PLCB1: variants seen among roughly 807,000 people sequenced by gnomAD.
The protein encoded by PLCB1 is 1-phosphatidylinositol 4,5-bisphosphate phosphodiesterase beta-1.
A neutral mutation model predicts 161.8 loss-of-function variants in PLCB1; 46 were observed. The ratio of observed to expected loss-of-function variants is 0.28; its 90% CI spans 0.22 to 0.36. The LOEUF is 0.36. PLCB1 is among the 10% of genes least tolerant of loss of function. PLCB1 has a pLI of 1.00. For synonymous variants in PLCB1, 517 were observed against 503.7 expected, an observed-to-expected ratio of 1.03 and a Z score of -0.35; for missense variants, 1,016 against 1,472.5, an observed-to-expected ratio of 0.69 and a Z score of 5.07.
chr20:8,664,911 C>T (rs1989771650), intron 9 of PLCB1, among the ~76,000 whole-genome samples: 1 of 152,152 alleles, frequency 6.6e-6, no homozygotes, highest in Non-Finnish European at 1.5e-5. Context: ...CAGGGCATGG[C>T]TTCGGTCACT....
chr20:8,544,742 A>G (rs1317187147), intron 3 of PLCB1, among the ~76,000 whole-genome samples: 1 of 152,206 alleles, frequency 6.6e-6, no homozygotes, highest in Admixed American at 6.5e-5. Context: ...GTGCATGTGA[A>G]ACTGTGTCTA....
rs118004345 is a variant in PLCB1 at position 8,518,959 on chromosome 20, A to G, written c.247-109335A>G. ...AGTTCCCAGTGGGGTTCTTGCTCCT[A>G]TAAGAATCTAATGCTGGGGCCAATC... On this transcript the variant is annotated intron_variant, in intron 3 of 31. Transcript: ENST00000338037. Among the ~76,000 whole-genome samples the G allele has an allele frequency of 6.7e-3, 1,026 of 152,082 alleles. 7 individuals carry two copies. Among genetic ancestry groups the G allele is most frequent in the Non-Finnish European group, 8.5e-3 (575 of 67,992 alleles).
chr20:8,703,582 G>T (rs995439550), intron 11 of PLCB1, among the ~76,000 whole-genome samples: 4 of 152,154 alleles, frequency 2.6e-5, no homozygotes, highest in African/African-American at 9.7e-5. Context: ...AGCAGAGAAG[G>T]GAACAGCAGA....
At chr20:8,486,959 G>A (rs1982756678) in intron 3 of PLCB1, among the ~76,000 whole-genome samples, 1 of 152,218 alleles carries the variant, frequency 6.6e-6, no homozygotes, top group Non-Finnish European at 1.5e-5. Context: ...CAGGTTGCAG[G>A]TGGCATAAGG....
intron 3 of PLCB1, among the ~76,000 whole-genome samples, chr20:8,453,424 T>C (rs1981162664): frequency 6.6e-6 from 1 of 152,258 alleles, no homozygotes; most frequent in Non-Finnish European, 1.5e-5. Context: ...TGGTCCTCGA[T>C]ATTCTCAGTT....
chr20:8,516,146 C>T lies in PLCB1; in HGVS notation c.247-112148C>T, dbSNP rs141245795. 4.6e-5 allele frequency among the ~76,000 whole-genome samples: 7 copies of T among 152,278 alleles called. No homozygotes were observed. The East Asian group carries it at 1.2e-3, about 25-fold the overall frequency. On this transcript the variant is annotated intron_variant, in intron 3 of 31. Transcript: ENST00000338037. The stretch of plus-strand genomic sequence containing the variant: ...ACTTCCCATCAAGCCCCTCCCACAA[C>T]ACGTGGGAATTATGGGAGCTACAAT...
At chr20:8,544,555 G>A (rs1985460879) in intron 3 of PLCB1, among the ~76,000 whole-genome samples, 1 of 152,224 alleles carries the variant, frequency 6.6e-6, no homozygotes, top group Non-Finnish European at 1.5e-5. Flanking sequence ...CAAGTGCAAT[G>A]TGAATGCTGG....
chr20:8,661,790 C>T (rs988781562), intron 9 of PLCB1, among the ~76,000 whole-genome samples: 1 of 150,184 alleles, frequency 6.7e-6, no homozygotes, highest in African/African-American at 2.5e-5. Flanking sequence ...GTGTTCTAGT[C>T]TTACAAACTC....
intron 27 of PLCB1, among the ~76,000 whole-genome samples, chr20:8,784,139 G>T (rs944384265): frequency 9.2e-5 from 14 of 152,256 alleles, no homozygotes; most frequent in African/African-American, 2.9e-4. Flanking sequence ...GGGCGGTAGT[G>T]GCATACTATT....
At chr20:8,144,748 C>A (rs8113925) in intron 1 of PLCB1, among the ~76,000 whole-genome samples, 10 of 151,986 alleles carry the variant, frequency 6.6e-5, no homozygotes, top group African/African-American at 2.4e-4. Context: ...GTTTTCCCCC[C>A]AGTGTCTCTA....
intron 23 of PLCB1, chr20:8,751,174 G>T (rs1158812673): frequency 4.7e-6 from 1 of 213,298 alleles, no homozygotes; most frequent in East Asian, 1.3e-4. Flanking sequence ...TCGATCTCCT[G>T]ACCTCGGGAT....
At chr20:8,240,580 A>G (rs1980559889) in intron 2 of PLCB1, among the ~76,000 whole-genome samples, 1 of 152,044 alleles carries the variant, frequency 6.6e-6, no homozygotes, top group African/African-American at 2.4e-5. Context: ...CTCCTTGTGC[A>G]TAAGTATTGG....
chr20:8,331,842 G>T (rs1029357136), intron 2 of PLCB1, among the ~76,000 whole-genome samples: 4 of 152,172 alleles, frequency 2.6e-5, no homozygotes, highest in African/African-American at 9.7e-5. Flanking sequence ...GCTTCATATG[G>T]CTTAATATCA....
intron 31 of PLCB1, among the ~76,000 whole-genome samples, chr20:8,872,841 A>T (rs1195299408): frequency 1.1e-4 from 17 of 152,270 alleles, no homozygotes. Context: ...CTTCAGGTTC[A>T]GCACTCCAAC....
At chr20:8,629,885 CTTTCTTTTCTTTCTTTCTT>C (rs1988501108) in intron 4 of PLCB1, among the ~76,000 whole-genome samples, 1 of 113,958 alleles carries the variant, frequency 8.8e-6, no homozygotes, top group Non-Finnish European at 1.9e-5. Flanking sequence ...TTCTCTCTCT[CTTTCTTTTCTTTCTTTCTT>C]TCTCTTTCCT....
intron 2 of PLCB1, among the ~76,000 whole-genome samples, chr20:8,210,843 C>T (rs992663615): frequency 1.3e-5 from 2 of 152,102 alleles, no homozygotes; most frequent in African/African-American, 4.8e-5. Context: ...CAATGATCTT[C>T]ATTTCATTTC....
intron 2 of PLCB1, among the ~76,000 whole-genome samples, chr20:8,173,906 C>T (rs2051757219): frequency 6.6e-6 from 1 of 152,110 alleles, no homozygotes; most frequent in African/African-American, 2.4e-5. Flanking sequence ...AAGATAGTGT[C>T]AGTGAATTAA....
intron 2 of PLCB1, among the ~76,000 whole-genome samples, chr20:8,245,351 C>T (rs1980831036): frequency 6.6e-6 from 1 of 151,756 alleles, no homozygotes; most frequent in African/African-American, 2.4e-5. Context: ...TAGATAAGTA[C>T]AGCTTTATTT....
At chr20:8,857,061 T>C (rs1200260659) in intron 31 of PLCB1, among the ~76,000 whole-genome samples, 2 of 152,206 alleles carry the variant, frequency 1.3e-5, no homozygotes, top group East Asian at 3.9e-4. Flanking sequence ...GGATGTAGGT[T>C]GGTCTAATAT....
Sources: gnomAD v4.1 joint callset for allele counts (sites outside exome capture counted in the v4.1 genomes callset) on GRCh38, gnomAD v4.1.1 for gene constraint, MANE v1.5 for transcripts, NCBI Gene and HGNC (gene_info 2026-07-23, HGNC 2026-07-21) for gene names.